TMBIM4: variants seen among roughly 807,000 people sequenced by gnomAD.
TMBIM4 encodes transmembrane BAX inhibitor motif containing 4, also known as protein lifeguard 4.
In TMBIM4, 28 loss-of-function variants were observed where a neutral mutation model predicts 27.7. The observed-to-expected ratio is 1.01, with a 90% confidence interval of 0.75 to 1.38. TMBIM4 has a LOEUF of 1.38. Among genes scored for constraint, TMBIM4 ranks in the 40% most tolerant of loss-of-function variants. TMBIM4 has a pLI of 0.00. For missense variants in TMBIM4, 265 were observed against 277.5 expected, an observed-to-expected ratio of 0.95 and a Z score of 0.32; for synonymous variants, 115 against 113.1, an observed-to-expected ratio of 1.02 and a Z score of -0.11.
chr12:66,144,865 A>G (rs2051726198), intron 5 of TMBIM4: 1 of 152,172 alleles, frequency 6.6e-6, no homozygotes, highest in South Asian at 2.1e-4. Context: ...TCTATCAATC[A>G]ATGTAAATTT....
At chr12:66,162,555 A>T (rs760429839) in intron 1 of TMBIM4, among the ~76,000 whole-genome samples, 3 of 152,236 alleles carry the variant, frequency 2.0e-5, no homozygotes, top group Non-Finnish European at 4.4e-5. Flanking sequence ...TTTGGGGTGA[A>T]TAGCCTGGTT....
chr12:66,162,726 T>C (rs1054170174), intron 1 of TMBIM4, among the ~76,000 whole-genome samples: 1 of 151,992 alleles, frequency 6.6e-6, no homozygotes, highest in Non-Finnish European at 1.5e-5. Context: ...TCAGACATAC[T>C]GCAGACCACC....
chr12:66,139,900 C>T (rs2051639879), intron 5 of TMBIM4, among the ~76,000 whole-genome samples: 1 of 152,114 alleles, frequency 6.6e-6, no homozygotes, highest in African/African-American at 2.4e-5. Flanking sequence ...GAGTAGTATG[C>T]TGAAGGGTAC....
chr12:66,160,877 G>A (rs916416570), intron 1 of TMBIM4, among the ~76,000 whole-genome samples: 1 of 151,082 alleles, frequency 6.6e-6, no homozygotes, highest in African/African-American at 2.4e-5. Context: ...CAGATGGGGC[G>A]GCGGGCGGGC....
intron 1 of TMBIM4, among the ~76,000 whole-genome samples, chr12:66,168,478 A>G (rs1455621327): frequency 6.6e-6 from 1 of 152,108 alleles, no homozygotes; most frequent in Non-Finnish European, 1.5e-5. Flanking sequence ...TTTAGTCTAA[A>G]GCTATGCCTT....
intron 1 of TMBIM4, among the ~76,000 whole-genome samples, chr12:66,165,606 A>G (rs1217739859): frequency 1.3e-5 from 2 of 152,060 alleles, no homozygotes; most frequent in Non-Finnish European, 2.9e-5. Flanking sequence ...TTAGTGGGGT[A>G]TGTGTTCAAG....
intron 5 of TMBIM4, among the ~76,000 whole-genome samples, chr12:66,144,083 A>C (rs1486421656): frequency 6.6e-6 from 1 of 152,118 alleles, no homozygotes; most frequent in Non-Finnish European, 1.5e-5. Context: ...GGTTTTAAAT[A>C]GGTATACTGT....
At chr12:66,163,486 T>C (rs938569506) in intron 1 of TMBIM4, among the ~76,000 whole-genome samples, 1 of 151,938 alleles carries the variant, frequency 6.6e-6, no homozygotes, top group African/African-American at 2.4e-5. Context: ...GAAGCAAACA[T>C]GTCCTTCTTC....
chr12:66,148,299 A>G (rs2051785180), intron 3 of TMBIM4, among the ~76,000 whole-genome samples: 3 of 152,208 alleles, frequency 2.0e-5, no homozygotes, highest in Admixed American at 1.3e-4. Flanking sequence ...CCTCACACAA[A>G]CATAGGAAGA....
rs541184476 is a variant in TMBIM4 at position 66,160,190 on chromosome 12, C to T, written c.98-6742G>A. On this transcript the variant is annotated intron_variant, in intron 1 of 6. Transcript: ENST00000358230. ...TTGGCCCTTTGTAGAAAATGTTCACCATCCCTGATCTACCAGATTGCCGGA... is the reference window on the plus strand; with the variant it reads ...TTGGCCCTTTGTAGAAAATGTTCACTATCCCTGATCTACCAGATTGCCGGA... The T allele has an allele frequency of 1.5e-4, 105 of 703,370 alleles. No individual in the cohort carries two copies. The African/African-American group carries it at 1.5e-3, about 10-fold the overall frequency. 43.6% of individuals were successfully genotyped at this position (703,370 alleles called of 1,614,324 possible). A position where few individuals can be genotyped will look rare whatever the true frequency, so the allele number is the denominator to read the frequency against.
At chr12:66,143,170 T>G (rs111405072) in intron 5 of TMBIM4, among the ~76,000 whole-genome samples, 1 of 152,174 alleles carries the variant, frequency 6.6e-6, no homozygotes, top group African/African-American at 2.4e-5. Context: ...CCTACAAATA[T>G]TCTGCCTAAG....
intron 3 of TMBIM4, among the ~76,000 whole-genome samples, chr12:66,149,367 C>T (rs1670685008): frequency 6.7e-6 from 1 of 150,220 alleles, no homozygotes; most frequent in Admixed American, 6.6e-5. Context: ...ATCGCTTAAG[C>T]CCAGGAGGCA....
chr12:66,160,654 ATTTT>A (rs562329849), intron 1 of TMBIM4, among the ~76,000 whole-genome samples: 1 of 152,148 alleles, frequency 6.6e-6, no homozygotes, highest in Admixed American at 6.5e-5. Context: ...TTCTCACATA[ATTTT>A]TTTTAATTAA....
At chr12:66,159,080 CTG>C (rs1332596317) in intron 1 of TMBIM4, among the ~76,000 whole-genome samples, 3 of 152,152 alleles carry the variant, frequency 2.0e-5, no homozygotes, top group African/African-American at 7.2e-5. Context: ...AGAGGGAAGA[CTG>C]TGGTGGTTTA....
intron 1 of TMBIM4, among the ~76,000 whole-genome samples, chr12:66,161,353 G>A (rs924822547): frequency 1.3e-5 from 2 of 152,168 alleles, no homozygotes; most frequent in African/African-American, 4.8e-5. Context: ...TGATTCTCCT[G>A]TCTCAGCCTC....
chr12:66,146,874 T>C (rs1411761437), intron 4 of TMBIM4, among the ~76,000 whole-genome samples: 4 of 152,162 alleles, frequency 2.6e-5, no homozygotes, highest in Non-Finnish European at 1.5e-5. Context: ...TTGTCAGTAA[T>C]TTAAGTATAC....
intron 1 of TMBIM4, among the ~76,000 whole-genome samples, chr12:66,159,287 C>T (rs889944495): frequency 1.3e-5 from 2 of 152,182 alleles, no homozygotes; most frequent in Non-Finnish European, 2.9e-5. Context: ...TTGCTTGCTC[C>T]AGAGGAAGTC....
rs946905770 is a variant in TMBIM4 at position 66,149,461 on chromosome 12, A to G, written c.313-1520T>C. ...CCCTGTCTCAAAAAAAAAAAAAAAA[A>G]AAAGAAAGAAAGAAATTTTTTTGGG... On this transcript the variant is annotated intron_variant, in intron 3 of 6. Coordinates refer to ENST00000358230, the MANE Select transcript of TMBIM4 (RefSeq NM_016056.4). Among the ~76,000 whole-genome samples the G allele has an allele frequency of 7.6e-4, 115 of 151,268 alleles. 1 individual carries two copies. Among genetic ancestry groups the G allele is most frequent in the South Asian group, 1.7e-3 (8 of 4,790 alleles).
At chr12:66,138,864 G>T in intron 5 of TMBIM4, 95 bp from the exon 6 acceptor site, 1 of 1,342,746 alleles carries the variant, frequency 7.4e-7, no homozygotes, top group South Asian at 2.2e-5. Context: ...CATCCATCTG[G>T]ATTTTTTGCT....
Sources: allele counts gnomAD v4.1 joint callset (sites outside exome capture counted in the v4.1 genomes callset), GRCh38; gene constraint gnomAD v4.1.1; transcripts MANE v1.5; gene names NCBI Gene and HGNC (gene_info 2026-07-23, HGNC 2026-07-21).